Variants in ATP1B4 observed in about 807,000 individuals in gnomAD.
The protein encoded by ATP1B4 is protein ATP1B4.
ATP1B4 carries 32 observed loss-of-function variants against 29.6 expected under a neutral mutation model. The observed-to-expected ratio is 1.08, with a 90% CI of 0.82 to 1.45. The LOEUF is 1.45. Ranked by LOEUF, ATP1B4 falls within the 40% of genes most tolerant of loss-of-function variation. The pLI, the probability that ATP1B4 is intolerant of heterozygous loss-of-function variation, is 0.00. For synonymous variants in ATP1B4, 127 were observed against 102.1 expected, an observed-to-expected ratio of 1.24 and a Z score of -1.47; for missense variants, 323 against 276.2, an observed-to-expected ratio of 1.17 and a Z score of -1.20.
In ATP1B4 at chrX:120,381,544, G is replaced by C. The variant is rs771464369; in HGVS notation, c.*1910G>C. The C allele has an allele frequency of 9.0e-6, 1 of 111,068 alleles. No homozygotes were observed. The highest frequency in any genetic ancestry group is 1.9e-5 in the Non-Finnish European group (1 of 52,909). 9.2% of individuals were successfully genotyped at this position (111,068 alleles called of 1,213,427 possible). Reference sequence around the variant, plus strand: ...CGGCTCACTGCAACCTCCACCTCCCGGATTCAAGTGATTCTCCAGCCTCAG... The same window carrying C: ...CGGCTCACTGCAACCTCCACCTCCCCGATTCAAGTGATTCTCCAGCCTCAG... On this transcript the variant is annotated 3_prime_UTR_variant, in exon 8 of 8. Coordinates refer to ENST00000218008, the MANE Select transcript of ATP1B4 (RefSeq NM_001142447.3).
rs199602004 is a variant in ATP1B4 at position 120,376,364 on chromosome X, G to A, written c.760-16G>A. 2.2e-5 allele frequency: 27 copies of A among 1,202,038 alleles called. No individual in the cohort carries two copies. The highest frequency in any genetic ancestry group is 3.0e-5 in the Non-Finnish European group (27 of 890,283). On this transcript the variant is annotated splice_polypyrimidine_tract_variant and intron_variant, in intron 5 of 7. Transcript: ENST00000218008. ...TTTTGTTAAAAAAAAATAAAACACT[G>A]GTTTTCTTTTGATAGATTGTAGGCT... is the stretch of plus-strand genomic sequence containing the variant.
In ATP1B4 at chrX:120,371,210, G is replaced by A. The variant is rs1569354236; in HGVS notation, c.562G>A (p.Gly188Ser). 1.7e-6 allele frequency: 2 copies of A among 1,194,214 alleles called. No homozygotes were observed. The highest frequency in any genetic ancestry group is 2.3e-6 in the Non-Finnish European group (2 of 879,777). The change falls in exon 4 of 8, where the codon GGT (glycine) becomes AGT (serine). Residue 188 changes from glycine (G) to serine (S), a missense_variant and splice_region_variant. Gly to Ser is a moderately conservative substitution (Grantham distance 56). Coordinates refer to ENST00000218008, the MANE Select transcript of ATP1B4 (RefSeq NM_001142447.3). ...GATTAGCCTAAATGGCTTTCTCCAG[G>A]GTAAGTAAGTTCGTCTGAATAGTGG... ...YVISLNGFLQ[G>S]YNDSLQEEMN... is the part of the protein sequence containing the mutation.
Position 120,376,362 on chromosome X carries a change from C to T in ATP1B4, c.760-18C>T. 8 of 1,202,288 alleles carry T rather than the reference C, an allele frequency of 6.7e-6. No homozygotes were observed. The highest frequency in any genetic ancestry group is 9.0e-6 in the Non-Finnish European group (8 of 889,712). ...TGTTTTGTTAAAAAAAAATAAAACA[C>T]TGGTTTTCTTTTGATAGATTGTAGG... On this transcript the variant is annotated intron_variant, in intron 5 of 7. Coordinates refer to ENST00000218008, the MANE Select transcript of ATP1B4 (RefSeq NM_001142447.3).
At position 120,379,697 on chromosome X, in the gene ATP1B4, C is replaced by A. The variant is rs746825447; in HGVS notation, c.*63C>A. The A allele has an allele frequency of 3.7e-5, 40 of 1,076,177 alleles. No homozygotes were observed. The highest frequency in any genetic ancestry group is 5.0e-5 in the Non-Finnish European group (40 of 805,857). The allele number at this position is 1,076,177 out of a possible 1,213,427, so 88.7% of individuals were successfully genotyped here. A position where few individuals can be genotyped will look rare whatever the true frequency, so the allele number is the denominator to read the frequency against. On this transcript the variant is annotated 3_prime_UTR_variant, in exon 8 of 8. Coordinates refer to ENST00000218008, the MANE Select transcript of ATP1B4 (RefSeq NM_001142447.3). Reference sequence around the variant, plus strand: ...TTTTATCTCATGGTATCTCTGGTAGCACCTGAATTCTTTTTCTTCAATTAG... The same window carrying A: ...TTTTATCTCATGGTATCTCTGGTAGAACCTGAATTCTTTTTCTTCAATTAG...
In ATP1B4 at chrX:120,362,118, A is replaced by C; in HGVS notation, c.-51A>C. On this transcript the variant is annotated 5_prime_UTR_variant, in exon 1 of 8. Coordinates refer to ENST00000218008, the MANE Select transcript of ATP1B4 (RefSeq NM_001142447.3). ...TCTCCTGTACCAGCAGAAGCTCCAG[A>C]ACTCTCACCCGATTGCCTGCCTCTG... is the stretch of plus-strand genomic sequence containing the variant. The C allele has an allele frequency of 8.9e-7, 1 of 1,121,315 alleles. No homozygotes were observed. The highest frequency in any genetic ancestry group is 1.2e-6 in the Non-Finnish European group (1 of 814,562). The allele number at this position is 1,121,315 out of a possible 1,213,427, so 92.4% of individuals were successfully genotyped here. A position where few individuals can be genotyped will look rare whatever the true frequency, so the allele number is the denominator to read the frequency against.
chrX:120,374,794 C>A (rs1228933061), intron 4 of ATP1B4, among the ~76,000 whole-genome samples: 4 of 292 alleles, frequency 0.014, no homozygotes, highest in African/African-American at 0.043. Flanking sequence ...TATTATATAC[C>A]CTTATATATA....
chrX:120,369,613 A>C (rs1201581026), intron 2 of ATP1B4, among the ~76,000 whole-genome samples: 1 of 111,949 alleles, frequency 8.9e-6, no homozygotes, highest in Non-Finnish European at 1.9e-5. Context: ...GGAGGGCTTG[A>C]AAAGAGTTTC....
intron 7 of ATP1B4, among the ~76,000 whole-genome samples, chrX:120,379,116 G>A (rs182748187): frequency 2.5e-4 from 28 of 111,373 alleles, no homozygotes; most frequent in Admixed American, 5.7e-4. Context: ...TAATAATCAC[G>A]CTTCTGTTTC....
In ATP1B4 at chrX:120,378,658, A is replaced by AT; in HGVS notation, c.817-19dup. On this transcript the variant is annotated intron_variant, in intron 6 of 7. Transcript: ENST00000218008. ...CACTCTGTGACCCAGCACCCCACAT[A>AT]TACCTGCTTTTGCTTACAGAGAGGT... The AT allele has an allele frequency of 8.4e-7, 1 of 1,189,216 alleles. No homozygotes were observed. Among genetic ancestry groups the AT allele is most frequent in the Non-Finnish European group, 1.1e-6 (1 of 875,331 alleles).
intron 6 of ATP1B4, among the ~76,000 whole-genome samples, 186 bp from the exon 7 acceptor site, chrX:120,378,492 A>T (rs913027233): frequency 1.8e-5 from 2 of 110,659 alleles, no homozygotes; most frequent in Admixed American, 1.9e-4. Flanking sequence ...AGGCACAGTC[A>T]CTCCCTAAAA....
At chrX:120,376,806 A>G (rs757651888) in intron 6 of ATP1B4, among the ~76,000 whole-genome samples, 35 of 112,694 alleles carry the variant, frequency 3.1e-4, no homozygotes, top group Non-Finnish European at 4.7e-4. Flanking sequence ...CTTTGAACTA[A>G]ACAAACAGCT....
intron 5 of ATP1B4, among the ~76,000 whole-genome samples, chrX:120,375,917 A>G (rs1028614726): frequency 2.7e-5 from 3 of 111,239 alleles, no homozygotes; most frequent in Non-Finnish European, 5.7e-5. Flanking sequence ...AACTTGGGCA[A>G]CATAGTGAGA....
At chrX:120,374,660 A>T (rs1295840321) in intron 4 of ATP1B4, among the ~76,000 whole-genome samples, 49 of 3,445 alleles carry the variant, frequency 0.014, no homozygotes, top group Non-Finnish European at 0.02. Flanking sequence ...TATATAATAT[A>T]ATATATAATA....
intron 4 of ATP1B4, among the ~76,000 whole-genome samples, chrX:120,373,301 A>G (rs1353206483): frequency 1.8e-5 from 2 of 112,809 alleles, no homozygotes; most frequent in Non-Finnish European, 3.7e-5. Flanking sequence ...TAAAAAAATT[A>G]AAACAAAGCC....
intron 2 of ATP1B4, among the ~76,000 whole-genome samples, chrX:120,367,626 A>G (rs1306517225): frequency 9.0e-6 from 1 of 111,319 alleles, no homozygotes; most frequent in Non-Finnish European, 1.9e-5. Flanking sequence ...CTGGTTTGGA[A>G]ATCAGTCAAT....
rs748687269 is a variant in ATP1B4 at position 120,375,323 on chromosome X, C to G, written c.563-49C>G. 2.2e-5 allele frequency: 24 copies of G among 1,104,645 alleles called. No homozygotes were observed. In the South Asian group the frequency reaches 4.7e-4, roughly 22 times the overall value. The allele number at this position is 1,104,645 out of a possible 1,213,427, so 91.0% of individuals were successfully genotyped here. ...AGGACTACTGAACGCACGGCCTTCC[C>G]CTGTAGCACCTGTCTAACATAACCT... On this transcript the variant is annotated intron_variant, in intron 4 of 7. Transcript: ENST00000218008.
At position 120,366,572 on chromosome X, in the gene ATP1B4, G is replaced by A. The variant is rs1371639228; in HGVS notation, c.111G>A (p.Glu37=). The change falls in exon 2 of 8, where the codon GAG becomes GAA. Residue 37 remains glutamate (E), a synonymous_variant. Transcript: ENST00000218008. ...ANQNYLADEE[E]EAEEEARVTV... is the part of the protein sequence containing the mutation. ...AGAACTACTTAGCAGATGAAGAGGA[G>A]GAAGCAGAAGAAGAGGCTCGGGTGA... 8.3e-7 allele frequency: 1 copy of A among 1,204,679 alleles called. No homozygotes were observed. The highest frequency in any genetic ancestry group is 1.1e-6 in the Non-Finnish European group (1 of 891,319).
At chrX:120,364,613 G>A (rs1375930241) in intron 1 of ATP1B4, among the ~76,000 whole-genome samples, 1 of 112,461 alleles carries the variant, frequency 8.9e-6, no homozygotes, top group African/African-American at 3.2e-5. Context: ...TTTAAGAACA[G>A]GTATTAATCC....
chrX:120,376,643 G>C (rs954318953), intron 6 of ATP1B4, among the ~76,000 whole-genome samples: 66 of 112,067 alleles, frequency 5.9e-4, no homozygotes, highest in Non-Finnish European at 8.5e-4. Flanking sequence ...GTATGTGTGT[G>C]TATGTGTGTG....
Sources: allele counts gnomAD v4.1 joint callset (sites outside exome capture counted in the v4.1 genomes callset), GRCh38; gene constraint gnomAD v4.1.1; transcripts MANE v1.5; gene names NCBI Gene and HGNC (gene_info 2026-07-23, HGNC 2026-07-21).